Variants in BICC1 observed in about 807,000 individuals in gnomAD.
The protein encoded by BICC1 is protein bicaudal C homolog 1.
BICC1 carries 43 observed loss-of-function variants against 111.0 expected under a neutral mutation model. The observed-to-expected ratio is 0.39, with a 90% CI of 0.30 to 0.50. The LOEUF is 0.50. BICC1 is among the 20% of genes least tolerant of loss of function. The pLI is 0.88. For synonymous variants in BICC1, 467 were observed against 434.4 expected, an observed-to-expected ratio of 1.07 and a Z score of -0.93; for missense variants, 1,091 against 1,203.2, an observed-to-expected ratio of 0.91 and a Z score of 1.38.
intron 1 of BICC1, among the ~76,000 whole-genome samples, chr10:58,617,804 G>A (rs1316212102): frequency 6.6e-6 from 1 of 152,234 alleles, no homozygotes; most frequent in Non-Finnish European, 1.5e-5. Context: ...CAAAACCTAT[G>A]GGAGGAAGGA....
In BICC1 at chr10:58,738,053, A is replaced by C. The variant is rs372946770; in HGVS notation, c.307+35910A>C. Among the ~76,000 whole-genome samples, 61 of 152,178 alleles carry C rather than the reference A, an allele frequency of 4.0e-4. No homozygotes were observed. In the East Asian group the frequency reaches 8.9e-3, roughly 22 times the overall value. The stretch of plus-strand genomic sequence containing the variant: ...TTCTGTAGGTTGCCTGTTCACTCTG[A>C]TGGTAGTTTCTTTTGCTGTGCAGAA... On this transcript the variant is annotated intron_variant, in intron 3 of 20. Coordinates refer to ENST00000373886, the MANE Select transcript of BICC1 (RefSeq NM_001080512.3).
chr10:58,715,247 A>G (rs1408694571), intron 3 of BICC1, among the ~76,000 whole-genome samples: 2 of 152,194 alleles, frequency 1.3e-5, no homozygotes, highest in African/African-American at 2.4e-5. Context: ...ATGAGGAGTT[A>G]CATTCCCTTT....
intron 1 of BICC1, among the ~76,000 whole-genome samples, chr10:58,517,362 GGTT>G (rs1368756590): frequency 1.3e-5 from 2 of 152,178 alleles, no homozygotes; most frequent in African/African-American, 4.8e-5. Context: ...CTGAAACAGA[GGTT>G]GTTGTACATC....
chr10:58,798,045 G>A (rs1843413713), intron 10 of BICC1, among the ~76,000 whole-genome samples: 1 of 152,162 alleles, frequency 6.6e-6, no homozygotes, highest in South Asian at 2.1e-4. Context: ...TGACAAATGA[G>A]TTATGCAGAA....
chr10:58,663,523 G>A (rs1264690244), intron 2 of BICC1, among the ~76,000 whole-genome samples: 2 of 152,190 alleles, frequency 1.3e-5, no homozygotes, highest in South Asian at 2.1e-4. Context: ...TAGGAATTGG[G>A]TCACACAGCA....
chr10:58,533,056 C>T (rs2131859028), intron 1 of BICC1, among the ~76,000 whole-genome samples: 2 of 150,262 alleles, frequency 1.3e-5, no homozygotes, highest in East Asian at 4.0e-4. Flanking sequence ...GCCTCCGTCC[C>T]AAAAAGAAAA....
chr10:58,772,543 T>C (rs1202134252), intron 3 of BICC1, among the ~76,000 whole-genome samples: 2 of 152,198 alleles, frequency 1.3e-5, no homozygotes, highest in Non-Finnish European at 2.9e-5. Context: ...CAAACCAAAA[T>C]TGAATCCTTT....
chr10:58,522,812 C>T (rs1842428284), intron 1 of BICC1, among the ~76,000 whole-genome samples: 1 of 151,814 alleles, frequency 6.6e-6, no homozygotes, highest in African/African-American at 2.4e-5. Flanking sequence ...GTTAGCAAGA[C>T]TAATAAAGAA....
chr10:58,519,691 C>A (rs527645081), intron 1 of BICC1, among the ~76,000 whole-genome samples: 2 of 152,172 alleles, frequency 1.3e-5, no homozygotes, highest in South Asian at 2.1e-4. Context: ...TCTTTCTTGG[C>A]ATAGTCCAGA....
At chr10:58,727,969 T>A (rs1239636792) in intron 3 of BICC1, among the ~76,000 whole-genome samples, 2 of 152,214 alleles carry the variant, frequency 1.3e-5, no homozygotes, top group African/African-American at 2.4e-5. Flanking sequence ...TTAAAAAACC[T>A]TTTTTGCTAA....
chr10:58,632,792 A>G (rs910348492), intron 2 of BICC1, among the ~76,000 whole-genome samples: 2 of 152,156 alleles, frequency 1.3e-5, no homozygotes, highest in African/African-American at 4.8e-5. Context: ...TAAAGGACAG[A>G]GGAGACTGTT....
At chr10:58,744,306 T>C (rs1841762457) in intron 3 of BICC1, among the ~76,000 whole-genome samples, 1 of 152,106 alleles carries the variant, frequency 6.6e-6, no homozygotes, top group African/African-American at 2.4e-5. Flanking sequence ...TGTTTTGTAG[T>C]GTAGTTAAAA....
At chr10:58,712,262 T>TG (rs1424280235) in intron 3 of BICC1, among the ~76,000 whole-genome samples, 1 of 152,150 alleles carries the variant, frequency 6.6e-6, no homozygotes, top group Non-Finnish European at 1.5e-5. Context: ...GAATGCAAAA[T>TG]GGTACAGCTA....
chr10:58,512,679 C>T (rs1173697518), upstream of BICC1, among the ~76,000 whole-genome samples: 1 of 151,972 alleles, frequency 6.6e-6, no homozygotes, highest in Non-Finnish European at 1.5e-5. Context: ...AGGATTTATA[C>T]GTGTAAGTGC....
intron 2 of BICC1, among the ~76,000 whole-genome samples, chr10:58,660,831 G>A (rs1838820109): frequency 1.3e-5 from 2 of 152,190 alleles, no homozygotes; most frequent in Admixed American, 1.3e-4. Context: ...TTCATGTGCT[G>A]CCAAGGTTGA....
intron 1 of BICC1, among the ~76,000 whole-genome samples, chr10:58,606,864 GTT>G (rs1845232472): frequency 6.6e-6 from 1 of 151,926 alleles, no homozygotes; most frequent in African/African-American, 2.4e-5. Context: ...TTTATAGTCT[GTT>G]TTCTTTTTCT....
chr10:58,582,067 C>A (rs1329026502), intron 1 of BICC1, among the ~76,000 whole-genome samples: 1 of 152,182 alleles, frequency 6.6e-6, no homozygotes, highest in Non-Finnish European at 1.5e-5. Context: ...AGCTCCTTAG[C>A]TTTCAATTTT....
chr10:58,695,650 C>T (rs989166069), intron 2 of BICC1, among the ~76,000 whole-genome samples: 4 of 152,056 alleles, frequency 2.6e-5, no homozygotes, highest in African/African-American at 4.8e-5. Context: ...ACGTCGGGAG[C>T]GAAGAATTTG....
chr10:58,749,219 C>G (rs1841919682), intron 3 of BICC1, among the ~76,000 whole-genome samples: 1 of 152,248 alleles, frequency 6.6e-6, no homozygotes, highest in African/African-American at 2.4e-5. Flanking sequence ...ATGCTCAATA[C>G]TGATCTGTTT....
Sources: allele counts gnomAD v4.1 joint callset (sites outside exome capture counted in the v4.1 genomes callset), GRCh38; gene constraint gnomAD v4.1.1; transcripts MANE v1.5; gene names NCBI Gene and HGNC (gene_info 2026-07-23, HGNC 2026-07-21).